Variants in DNM2 observed in about 807,000 individuals in gnomAD.
The protein encoded by DNM2 is dynamin-2.
DNM2 carries 15 observed loss-of-function variants against 99.0 expected under a neutral mutation model. That is an observed-to-expected ratio of 0.15 (90% CI 0.10 to 0.23). The LOEUF is 0.23. Ranked by LOEUF, DNM2 falls within the 10% of genes least tolerant of loss-of-function variation. DNM2 has a pLI of 1.00. For synonymous variants in DNM2, 525 were observed against 481.2 expected (o/e 1.09, Z -1.19); for missense variants, 742 against 1,189.4 (o/e 0.62, Z 5.53).
chr19:10,795,537 G>C lies in DNM2; in HGVS notation c.1196+98G>C. ...CACACCTCTGAGTCCCTAATCGTTAGGCCTTAAGAGGGCTCTTGGATGGTT... is the reference window on the plus strand; with the variant it reads ...CACACCTCTGAGTCCCTAATCGTTACGCCTTAAGAGGGCTCTTGGATGGTT... On this transcript the variant is annotated intron_variant, in intron 9 of 20. Coordinates refer to ENST00000389253, the MANE Select transcript of DNM2 (RefSeq NM_001005361.3). This position sits in a 1 kb window ranked among gnomAD's most constrained non-coding sequence, Gnocchi z 4.2. The C allele has an allele frequency of 7.3e-7, 1 of 1,378,668 alleles. No homozygotes were observed. Among genetic ancestry groups the C allele is most frequent in the Non-Finnish European group, 1.0e-6 (1 of 972,906 alleles). The allele number at this position is 1,378,668 out of a possible 1,614,324, so 85.4% of individuals were successfully genotyped here. A position where few individuals can be genotyped will look rare whatever the true frequency, so the allele number is the denominator to read the frequency against.
chr19:10,730,343 G>T, intron 1 of DNM2, among the ~76,000 whole-genome samples: 1 of 152,196 alleles, frequency 6.6e-6, no homozygotes, highest in East Asian at 1.9e-4. Flanking sequence ...AGGCGTGGTG[G>T]TGCATGCCTG....
At chr19:10,779,342 C>T (rs1285424359) in intron 5 of DNM2, among the ~76,000 whole-genome samples, 1 of 151,808 alleles carries the variant, frequency 6.6e-6, no homozygotes, top group Non-Finnish European at 1.5e-5. Context: ...ACATCTGTAA[C>T]CTCTCCCACT....
intron 1 of DNM2, among the ~76,000 whole-genome samples, chr19:10,759,001 G>A (rs989744471): frequency 1.3e-5 from 2 of 151,870 alleles, no homozygotes; most frequent in Admixed American, 1.3e-4. Context: ...GAGTGCAGTA[G>A]TGCAGTCATG....
chr19:10,811,454 C>T lies in DNM2; in HGVS notation c.1558-810C>T, dbSNP rs2072541412. ...CACTGGGGGATGCAGGCCAGCCCTT[C>T]GCAGCTGTCCATGGCCATGCTCAGC... On this transcript the variant is annotated intron_variant, in intron 14 of 20. Coordinates refer to ENST00000389253, the MANE Select transcript of DNM2 (RefSeq NM_001005361.3). This position sits in a 1 kb window ranked among gnomAD's most constrained non-coding sequence, Gnocchi z 5.4. 1.2e-5 allele frequency: 4 copies of T among 345,374 alleles called. No individual in the cohort carries two copies. Among genetic ancestry groups the T allele is most frequent in the African/African-American group, 2.2e-5 (1 of 46,394 alleles). The allele number at this position is 345,374 out of a possible 1,614,324, so 21.4% of individuals were successfully genotyped here.
At chr19:10,798,025 T>C (rs73007575) in intron 10 of DNM2, among the ~76,000 whole-genome samples, 20,675 of 152,044 alleles carry the variant, frequency 0.14, 1,797 homozygotes, top group Middle Eastern at 0.22. Context: ...GTGCCACAGA[T>C]ACAGTGATCA....
intron 1 of DNM2, among the ~76,000 whole-genome samples, chr19:10,750,156 A>T (rs1029419708): frequency 2.6e-5 from 4 of 152,212 alleles, no homozygotes; most frequent in Admixed American, 6.5e-5. Context: ...GCCTGGGCCC[A>T]TGGATAGGAG....
At chr19:10,723,025 G>A (rs1353838352) in intron 1 of DNM2, among the ~76,000 whole-genome samples, 1 of 150,868 alleles carries the variant, frequency 6.6e-6, no homozygotes, top group Non-Finnish European at 1.5e-5. Flanking sequence ...GGAGTGCAGT[G>A]GTGCGATCTC....
At chr19:10,759,624 C>T in intron 1 of DNM2, 114 bp from the exon 2 acceptor site, 3 of 1,339,998 alleles carry the variant, frequency 2.2e-6, no homozygotes, top group East Asian at 4.6e-5. Flanking sequence ...GGGTTGGTGC[C>T]TTTGCTGAGG....
intron 2 of DNM2, among the ~76,000 whole-genome samples, chr19:10,761,998 G>C (rs939663386): frequency 6.6e-6 from 1 of 152,166 alleles, no homozygotes; most frequent in Admixed American, 6.5e-5. Context: ...GTAGTTTTCT[G>C]TTTCTCATTG....
intron 2 of DNM2, 150 bp downstream of exon 2, chr19:10,759,961 G>A (rs989504989): frequency 8.8e-6 from 10 of 1,130,330 alleles, no homozygotes; most frequent in African/African-American, 4.6e-5. Context: ...ATTGAAAAAC[G>A]GCTCAGTGAA....
chr19:10,733,434 C>T (rs2069409559), intron 1 of DNM2, among the ~76,000 whole-genome samples: 1 of 151,156 alleles, frequency 6.6e-6, no homozygotes, highest in South Asian at 2.1e-4. Context: ...CTCAGGTAAT[C>T]TGCCTGCCTC....
At chr19:10,808,714 C>T (rs2072440102) in intron 14 of DNM2, 134 bp downstream of exon 14, 1 of 1,160,280 alleles carries the variant, frequency 8.6e-7, no homozygotes, top group Non-Finnish European at 1.2e-6. Context: ...AACCTGGAAA[C>T]CCCATGCCGC....
chr19:10,830,348 T>G lies in DNM2; in HGVS notation c.2513T>G (p.Ile838Ser), dbSNP rs772049806. The change falls in exon 20 of 21, where the codon ATC becomes AGC. Residue 838 changes from isoleucine to serine, a missense_variant. Ile to Ser is a moderately radical substitution (Grantham distance 142, BLOSUM62 -2). Coordinates refer to ENST00000389253, the MANE Select transcript of DNM2 (RefSeq NM_001005361.3). This position sits in a 1 kb window ranked among gnomAD's most constrained non-coding sequence, Gnocchi z 4.8. ...PPQIPSRPVR[I>S]PPGIPPGVPS... ...CAGATCCCATCTCGGCCAGTTCGGA[T>G]CCCCCCAGGGATTCCCCCAGGAGTG... 2.5e-6 allele frequency: 4 copies of G among 1,612,146 alleles called. No homozygotes were observed. Among genetic ancestry groups the G allele is most frequent in the Non-Finnish European group, 3.4e-6 (4 of 1,179,680 alleles).
rs1168014554 is a variant in DNM2 at position 10,797,464 on chromosome 19, T to C, written c.1281T>C (p.Cys427=). The C allele has an allele frequency of 4.3e-6, 7 of 1,614,060 alleles. No individual in the cohort carries two copies. Among genetic ancestry groups the C allele is most frequent in the South Asian group, 1.1e-5 (1 of 91,078 alleles). ...AACTCAAAGAGCCGAGTTTGAAGTG[T>C]GTTGATCTCGTGGTCTCAGAGCTGG... is the stretch of plus-strand genomic sequence containing the variant. ...IVKLKEPSLK[C]VDLVVSELAT... The change falls in exon 10 of 21, where the codon TGT becomes TGC. Residue 427 remains cysteine, a synonymous_variant. Transcript: ENST00000389253.
intron 3 of DNM2, among the ~76,000 whole-genome samples, chr19:10,774,854 T>A (rs973128059): frequency 2.6e-5 from 4 of 151,612 alleles, no homozygotes; most frequent in Non-Finnish European, 5.9e-5. Context: ...TTGGCTCACT[T>A]CTTCTCCTGG....
At position 10,811,635 on chromosome 19, in the gene DNM2, C is replaced by T. The variant is rs1373197155; in HGVS notation, c.1558-629C>T. 2 of 480,286 alleles carry T rather than the reference C, an allele frequency of 4.2e-6. No homozygotes were observed. Among genetic ancestry groups the T allele is most frequent in the Non-Finnish European group, 8.3e-6 (2 of 241,070 alleles). The allele number at this position is 480,286 out of a possible 1,614,324, so 29.8% of individuals were successfully genotyped here. A position where few individuals can be genotyped will look rare whatever the true frequency, so the allele number is the denominator to read the frequency against. On this transcript the variant is annotated intron_variant, in intron 14 of 20. Coordinates refer to ENST00000389253, the MANE Select transcript of DNM2 (RefSeq NM_001005361.3). This position sits in a 1 kb window ranked among gnomAD's most constrained non-coding sequence, Gnocchi z 5.4. Reference sequence around the variant, plus strand: ...CTCCAGCGGCCAGGGAGCATGGGAGCACAGCCCCCAGGCTGCCTGCCGTTA... The same window carrying T: ...CTCCAGCGGCCAGGGAGCATGGGAGTACAGCCCCCAGGCTGCCTGCCGTTA...
intron 19 of DNM2, among the ~76,000 whole-genome samples, chr19:10,829,654 C>G (rs988781394): frequency 3.9e-5 from 6 of 152,178 alleles, no homozygotes; most frequent in Non-Finnish European, 8.8e-5. Flanking sequence ...GTGGCCAGAG[C>G]TGCTGCCGCC....
chr19:10,745,829 G>A (rs2069945637), intron 1 of DNM2, among the ~76,000 whole-genome samples: 1 of 152,226 alleles, frequency 6.6e-6, no homozygotes, highest in Non-Finnish European at 1.5e-5. Context: ...GGTGACATCT[G>A]AGTTGAGTCC....
At chr19:10,718,614 G>A (rs2068831937) in intron 1 of DNM2, 1 of 667,860 alleles carries the variant, frequency 1.5e-6, no homozygotes. Context: ...CCCCAGGGGC[G>A]GTGTCACGGG....
Sources: allele counts gnomAD v4.1 joint callset (sites outside exome capture counted in the v4.1 genomes callset), GRCh38; gene constraint gnomAD v4.1.1; non-coding constraint Gnocchi (gnomAD v3.1); transcripts MANE v1.5; gene names NCBI Gene and HGNC (gene_info 2026-07-23, HGNC 2026-07-21).